The following NLGN1 variants were observed in gnomAD, a reference collection of about 807,000 sequenced individuals.
NLGN1 encodes neuroligin-1.
In NLGN1, 12 loss-of-function variants were observed where a neutral mutation model predicts 65.5. That is an observed-to-expected ratio of 0.18 (90% CI 0.12 to 0.30). The LOEUF (loss-of-function observed/expected upper bound fraction) is 0.30. NLGN1 is among the 10% of genes least tolerant of loss of function. The probability of loss-of-function intolerance (pLI) is 1.00; values close to 1 mark genes in which losing one functional copy is unlikely to be tolerated. For synonymous variants in NLGN1, 350 were observed against 359.5 expected (o/e 0.97, Z 0.30); for missense variants, 750 against 1,007.1 (o/e 0.74, Z 3.46).
At chr3:173,502,659 G>T (rs1333773449) in intron 2 of NLGN1, among the ~76,000 whole-genome samples, 1 of 152,070 alleles carries the variant, frequency 6.6e-6, no homozygotes, top group African/African-American at 2.4e-5. Context: ...ATGAAATTAG[G>T]TACTACAAGA....
At chr3:173,836,147 G>A (rs755736240) in intron 4 of NLGN1, among the ~76,000 whole-genome samples, 22 of 152,066 alleles carry the variant, frequency 1.4e-4, no homozygotes, top group African/African-American at 1.4e-4. Context: ...AAACAATACC[G>A]TCATGACTAT....
At chr3:173,889,361 G>GT (rs1449773130) in intron 4 of NLGN1, among the ~76,000 whole-genome samples, 3 of 152,116 alleles carry the variant, frequency 2.0e-5, no homozygotes, top group East Asian at 3.9e-4. Context: ...TTCTTTCTGC[G>GT]TAACTGTAGC....
intron 1 of NLGN1, among the ~76,000 whole-genome samples, chr3:173,424,658 C>T (rs1444684947): frequency 6.6e-6 from 1 of 152,220 alleles, no homozygotes; most frequent in African/African-American, 2.4e-5. Context: ...TAAAGCATAG[C>T]ATGAGTGACC....
intron 4 of NLGN1, chr3:174,202,857 A>G (rs1734735715): frequency 6.6e-6 from 1 of 152,206 alleles, no homozygotes; most frequent in Admixed American, 6.5e-5. Context: ...TGAGAGATAC[A>G]CACAGGTGGT....
chr3:174,213,692 C>T (rs1737102091), intron 4 of NLGN1, among the ~76,000 whole-genome samples: 1 of 152,110 alleles, frequency 6.6e-6, no homozygotes, highest in Non-Finnish European at 1.5e-5. Context: ...TTGAAAAGAA[C>T]TGCATTCATT....
intron 4 of NLGN1, among the ~76,000 whole-genome samples, chr3:174,157,082 A>T (rs925343011): frequency 6.6e-6 from 1 of 151,482 alleles, no homozygotes; most frequent in Non-Finnish European, 1.5e-5. Context: ...TACATATTAC[A>T]CTAATGCAAG....
intron 3 of NLGN1, among the ~76,000 whole-genome samples, chr3:173,666,363 C>T (rs539473728): frequency 1.1e-4 from 16 of 152,170 alleles, no homozygotes; most frequent in African/African-American, 3.9e-4. Context: ...ACCATTAGCT[C>T]AGATGTATTT....
intron 4 of NLGN1, among the ~76,000 whole-genome samples, chr3:174,181,188 A>T (rs1340673734): frequency 2.0e-5 from 3 of 152,156 alleles, no homozygotes; most frequent in African/African-American, 4.8e-5. Context: ...TGTCACATGG[A>T]ATAATATAAA....
intron 4 of NLGN1, among the ~76,000 whole-genome samples, chr3:174,003,078 C>T (rs1723625643): frequency 1.3e-5 from 2 of 151,954 alleles, no homozygotes; most frequent in Non-Finnish European, 2.9e-5. Context: ...AATGAGTTAA[C>T]TAGAAACAAG....
intron 4 of NLGN1, among the ~76,000 whole-genome samples, chr3:174,011,683 C>G (rs1038552617): frequency 2.0e-5 from 3 of 152,054 alleles, no homozygotes; most frequent in Non-Finnish European, 4.4e-5. Context: ...TTCTCCAAAT[C>G]TTATTTATTC....
chr3:173,451,962 G>C (rs1029566717), intron 2 of NLGN1, among the ~76,000 whole-genome samples: 2 of 152,166 alleles, frequency 1.3e-5, no homozygotes, highest in African/African-American at 4.8e-5. Flanking sequence ...TCTGTCACCT[G>C]TTTCTTTGAC....
intron 2 of NLGN1, among the ~76,000 whole-genome samples, chr3:173,470,981 T>G (rs16826819): frequency 0.023 from 3,543 of 152,144 alleles, 149 homozygotes; most frequent in African/African-American, 0.079. Flanking sequence ...TAAGGAATCT[T>G]TAGCCTGTAA....
chr3:173,565,964 T>A (rs1577304902), intron 2 of NLGN1, among the ~76,000 whole-genome samples: 1 of 152,208 alleles, frequency 6.6e-6, no homozygotes, highest in Non-Finnish European at 1.5e-5. Context: ...TAATTGTAAA[T>A]AGAGATTTAA....
At chr3:174,249,326 C>A (rs550579607) in intron 4 of NLGN1, among the ~76,000 whole-genome samples, 1 of 152,272 alleles carries the variant, frequency 6.6e-6, no homozygotes. Context: ...TCTGTGGTAC[C>A]TGTCACATGC....
chr3:173,524,162 G>A (rs576088080), intron 2 of NLGN1, among the ~76,000 whole-genome samples: 20 of 151,516 alleles, frequency 1.3e-4, no homozygotes, highest in African/African-American at 4.1e-4. Context: ...TCCTGACCTC[G>A]TGATCTGCCC....
Position 173,820,296 on chromosome 3 carries a change from GCATGAAAGCTGC to G in NLGN1, c.646+12465_646+12476del, listed in dbSNP as rs1720022787. Among the ~76,000 whole-genome samples the G allele has an allele frequency of 2.0e-5, 3 of 149,458 alleles. No individual in the cohort carries two copies. In the South Asian group the frequency reaches 6.4e-4, roughly 32 times the overall value. Reference sequence around the variant, plus strand: ...GTATTCCTTGTTCTGAGACTATAATGCATGAAAGCTGCAATTTATTTTAAATTGAAAATAGCT... The same window carrying G: ...GTATTCCTTGTTCTGAGACTATAATGAATTTATTTTAAATTGAAAATAGCT... On this transcript the variant is annotated intron_variant, in intron 4 of 6. Transcript: ENST00000457714.
intron 3 of NLGN1, among the ~76,000 whole-genome samples, chr3:173,716,833 G>A (rs949339739): frequency 1.4e-4 from 22 of 152,004 alleles, no homozygotes; most frequent in Admixed American, 1.0e-3. Flanking sequence ...TTGTTCCAAG[G>A]TGAATATTTG....
At chr3:174,194,154 C>A (rs1376307020) in intron 4 of NLGN1, among the ~76,000 whole-genome samples, 2 of 151,926 alleles carry the variant, frequency 1.3e-5, no homozygotes, top group Non-Finnish European at 2.9e-5. Flanking sequence ...AAATTTTAAT[C>A]AAAATTTAAG....
At chr3:173,411,674 A>G (rs1406365603) in intron 1 of NLGN1, among the ~76,000 whole-genome samples, 1 of 152,110 alleles carries the variant, frequency 6.6e-6, no homozygotes, top group African/African-American at 2.4e-5. Context: ...CACGGAAGAT[A>G]TTAAGCATCT....
Sources: allele counts gnomAD v4.1 joint callset (sites outside exome capture counted in the v4.1 genomes callset), GRCh38; gene constraint gnomAD v4.1.1; transcripts MANE v1.5; gene names NCBI Gene and HGNC (gene_info 2026-07-23, HGNC 2026-07-21).